The following GAB2 variants were observed in gnomAD, a reference collection of about 807,000 sequenced individuals.
GAB2 encodes the protein GRB2 associated binding protein 2, also known as GRB2-associated-binding protein 2.
A neutral mutation model predicts 65.5 loss-of-function variants in GAB2; 26 were observed. The ratio of observed to expected loss-of-function variants is 0.40; its 90% confidence interval spans 0.29 to 0.55. The LOEUF is 0.55. Ranked by LOEUF, GAB2 falls within the 20% of genes least tolerant of loss-of-function variation. The probability of loss-of-function intolerance (pLI) is 0.53; values close to 1 mark genes in which losing one functional copy is unlikely to be tolerated. For missense variants in GAB2, 884 were observed against 875.8 expected (o/e 1.01, Z -0.12); for synonymous variants, 321 against 329.6 (o/e 0.97, Z 0.28).
chr11:78,363,294 C>T (rs1856457637), intron 1 of GAB2, among the ~76,000 whole-genome samples: 1 of 152,214 alleles, frequency 6.6e-6, no homozygotes, highest in Non-Finnish European at 1.5e-5. Flanking sequence ...ATTCTGTGTG[C>T]TTATGCTTCA....
chr11:78,270,094 C>T (rs1865973220), intron 2 of GAB2, among the ~76,000 whole-genome samples: 1 of 152,106 alleles, frequency 6.6e-6, no homozygotes, highest in African/African-American at 2.4e-5. Flanking sequence ...TTTGGAAGGC[C>T]AAGGCGGGTG....
At chr11:78,233,752 G>A (rs943231763) in intron 3 of GAB2, among the ~76,000 whole-genome samples, 1 of 152,090 alleles carries the variant, frequency 6.6e-6, no homozygotes, top group African/African-American at 2.4e-5. Flanking sequence ...CACTATAGAT[G>A]AGCACATCCA....
intron 1 of GAB2, among the ~76,000 whole-genome samples, chr11:78,370,712 C>CCTGTGTGTATATGTGTGT (rs58668713): frequency 1.1e-4 from 13 of 123,218 alleles, no homozygotes; most frequent in Admixed American, 3.4e-4. Context: ...TGTGTGTGTG[C>CCTGTGTGTATATGTGTGT]GTGTGTGTGT....
At chr11:78,347,191 T>C (rs1856205542) in intron 1 of GAB2, among the ~76,000 whole-genome samples, 1 of 152,134 alleles carries the variant, frequency 6.6e-6, no homozygotes, top group Non-Finnish European at 1.5e-5. Flanking sequence ...TTTAAAGCTT[T>C]TGAGATACAG....
At chr11:78,264,634 T>TGACCCTCAGGTGGTTTATCTCCC (rs2134551985) in intron 2 of GAB2, among the ~76,000 whole-genome samples, 1 of 152,112 alleles carries the variant, frequency 6.6e-6, no homozygotes, top group South Asian at 2.1e-4. Context: ...CTTGAACTCC[T>TGACCCTCAGGTGGTTTATCTCCC]GACCCTCAGG....
intron 1 of GAB2, among the ~76,000 whole-genome samples, chr11:78,416,127 C>T (rs1202618468): frequency 3.3e-5 from 5 of 151,810 alleles, no homozygotes; most frequent in Non-Finnish European, 7.4e-5. Context: ...CTGATACAAC[C>T]CTGAAGAGGA....
At chr11:78,417,392 T>C (rs887726596) in intron 1 of GAB2, among the ~76,000 whole-genome samples, 5 of 151,870 alleles carry the variant, frequency 3.3e-5, no homozygotes, top group Admixed American at 6.5e-5. Context: ...CAGACCGGCT[T>C]GGGAGGCGCC....
chr11:78,267,844 C>T (rs1370861378), intron 2 of GAB2, among the ~76,000 whole-genome samples: 2 of 85,014 alleles, frequency 2.4e-5, no homozygotes, highest in Non-Finnish European at 4.2e-5. Flanking sequence ...GGTGATAGAG[C>T]GAGACTCCGT....
chr11:78,393,839 G>C (rs1480504251), intron 1 of GAB2, among the ~76,000 whole-genome samples: 1 of 152,172 alleles, frequency 6.6e-6, no homozygotes, highest in East Asian at 1.9e-4. Flanking sequence ...AAATCCATAA[G>C]GTAGTTATGT....
chr11:78,239,118 A>T (rs554110140), intron 3 of GAB2, among the ~76,000 whole-genome samples: 2 of 152,250 alleles, frequency 1.3e-5, no homozygotes, highest in Admixed American at 6.5e-5. Flanking sequence ...AAAGGAAGTA[A>T]TGCTAGCAAA....
chr11:78,228,725 C>T (rs1864757474), intron 3 of GAB2, among the ~76,000 whole-genome samples: 1 of 151,982 alleles, frequency 6.6e-6, no homozygotes, highest in Non-Finnish European at 1.5e-5. Flanking sequence ...CTCTGCACTC[C>T]TCCTCCCTTT....
intron 3 of GAB2, among the ~76,000 whole-genome samples, chr11:78,233,312 G>A (rs773700357): frequency 1.8e-4 from 28 of 152,264 alleles, no homozygotes; most frequent in Non-Finnish European, 2.1e-4. Context: ...TGGGATTATA[G>A]GCATGAGCCA....
At chr11:78,383,713 A>G (rs952288120) in intron 1 of GAB2, among the ~76,000 whole-genome samples, 1 of 152,064 alleles carries the variant, frequency 6.6e-6, no homozygotes, top group Non-Finnish European at 1.5e-5. Context: ...AGCTGAGATC[A>G]TGCCCCTGCA....
intron 3 of GAB2, among the ~76,000 whole-genome samples, chr11:78,248,803 A>G (rs1001861973): frequency 3.3e-5 from 5 of 152,206 alleles, no homozygotes; most frequent in Non-Finnish European, 7.3e-5. Context: ...CCCATATCCG[A>G]CTGACTCCAA....
intron 3 of GAB2, among the ~76,000 whole-genome samples, chr11:78,241,001 G>A (rs1166817224): frequency 3.9e-5 from 6 of 152,188 alleles, no homozygotes; most frequent in African/African-American, 1.4e-4. Flanking sequence ...ACCCAGCACT[G>A]CTGCAGCTAC....
intron 1 of GAB2, among the ~76,000 whole-genome samples, chr11:78,389,992 T>A (rs1856815391): frequency 6.6e-6 from 1 of 152,204 alleles, no homozygotes; most frequent in African/African-American, 2.4e-5. Flanking sequence ...TCCTTTTGTA[T>A]CTACCACCAC....
intron 1 of GAB2, among the ~76,000 whole-genome samples, chr11:78,288,071 A>G (rs1188576710): frequency 6.6e-6 from 1 of 151,976 alleles, no homozygotes; most frequent in Non-Finnish European, 1.5e-5. Context: ...TTTGCAGAGG[A>G]CATGATTATC....
intron 1 of GAB2, among the ~76,000 whole-genome samples, chr11:78,367,111 T>C (rs1856507499): frequency 6.6e-6 from 1 of 152,196 alleles, no homozygotes; most frequent in African/African-American, 2.4e-5. Flanking sequence ...AAGGGGAACA[T>C]AGCTCAAATA....
At chr11:78,268,048 A>G (rs1352306547) in intron 2 of GAB2, among the ~76,000 whole-genome samples, 1 of 151,918 alleles carries the variant, frequency 6.6e-6, no homozygotes, top group Non-Finnish European at 1.5e-5. Flanking sequence ...GTATCCTCAC[A>G]TTGTGTGCCA....
Sources: allele counts gnomAD v4.1 joint callset (sites outside exome capture counted in the v4.1 genomes callset), GRCh38; gene constraint gnomAD v4.1.1; transcripts MANE v1.5; gene names NCBI Gene and HGNC (gene_info 2026-07-23, HGNC 2026-07-21).